Variants in DLGAP2 observed in about 807,000 individuals in gnomAD.
DLGAP2 encodes DLG associated protein 2, also known as disks large-associated protein 2.
In DLGAP2, 26 loss-of-function variants were observed where a neutral mutation model predicts 100.3. That is an observed-to-expected ratio of 0.26 (90% confidence interval 0.19 to 0.36). The LOEUF (loss-of-function observed/expected upper bound fraction) is 0.36, where lower values mean the gene tolerates loss of function less well. Ranked by LOEUF, DLGAP2 falls within the 10% of genes least tolerant of loss-of-function variation. DLGAP2 has a pLI of 1.00. For synonymous variants in DLGAP2, 886 were observed against 630.1 expected, an observed-to-expected ratio of 1.41 and a Z score of -6.08; for missense variants, 1,858 against 1,453.2, an observed-to-expected ratio of 1.28 and a Z score of -4.53.
intron 1 of DLGAP2, among the ~76,000 whole-genome samples, chr8:757,151 T>A (rs1820942302): frequency 6.6e-6 from 1 of 152,114 alleles, no homozygotes; most frequent in African/African-American, 2.4e-5. Context: ...TCTGTCCCCT[T>A]CCCTTTGCCA....
intron 1 of DLGAP2, among the ~76,000 whole-genome samples, chr8:819,077 T>C (rs1388671815): frequency 1.3e-5 from 2 of 152,240 alleles, no homozygotes; most frequent in Non-Finnish European, 2.9e-5. Flanking sequence ...AATGACTGAA[T>C]CCAGAATTTG....
chr8:1,360,701 C>A (rs767042533), intron 3 of DLGAP2, among the ~76,000 whole-genome samples: 18 of 152,186 alleles, frequency 1.2e-4, no homozygotes, highest in Admixed American at 3.3e-4. Context: ...ACACCGCCCC[C>A]ACCATGGAGA....
chr8:1,625,945 GT>G (rs1193099267), intron 6 of DLGAP2, among the ~76,000 whole-genome samples: 1 of 152,034 alleles, frequency 6.6e-6, no homozygotes, highest in Non-Finnish European at 1.5e-5. Context: ...GGATTGGACG[GT>G]CGTTCCCATC....
At chr8:1,652,622 C>T (rs951336074) in intron 8 of DLGAP2, among the ~76,000 whole-genome samples, 6 of 152,222 alleles carry the variant, frequency 3.9e-5, no homozygotes, top group South Asian at 2.1e-4. Context: ...AAGTGGTAGG[C>T]GGTCCGTAGA....
chr8:1,550,701 C>T (rs1169461877), intron 5 of DLGAP2, among the ~76,000 whole-genome samples: 2 of 152,198 alleles, frequency 1.3e-5, no homozygotes, highest in Non-Finnish European at 2.9e-5. Context: ...CTAGAGCTGG[C>T]ATATTGCAGA....
intron 3 of DLGAP2, among the ~76,000 whole-genome samples, chr8:1,393,101 C>T (rs368473260): frequency 3.0e-3 from 50 of 16,712 alleles, no homozygotes; most frequent in South Asian, 0.02. Context: ...GCTTACTGAG[C>T]GCCACCTCCT....
At chr8:1,249,318 C>T (rs746223412) in intron 2 of DLGAP2, among the ~76,000 whole-genome samples, 15 of 152,164 alleles carry the variant, frequency 9.9e-5, no homozygotes, top group Non-Finnish European at 2.1e-4. Flanking sequence ...CCTGCATGAG[C>T]GTCTCAGGGC....
intron 2 of DLGAP2, among the ~76,000 whole-genome samples, chr8:1,130,541 A>C (rs932669311): frequency 3.3e-5 from 5 of 152,202 alleles, no homozygotes; most frequent in Non-Finnish European, 4.4e-5. Flanking sequence ...CCCATTAGAT[A>C]AAAGCAGATG....
At chr8:1,191,413 G>T (rs1055146496) in intron 2 of DLGAP2, among the ~76,000 whole-genome samples, 100 of 152,208 alleles carry the variant, frequency 6.6e-4, no homozygotes, top group Admixed American at 2.7e-3. Context: ...CTTGTGATCT[G>T]CCCGCCTCAG....
At chr8:1,555,523 C>T (rs148231379) in intron 5 of DLGAP2, among the ~76,000 whole-genome samples, 1 of 152,342 alleles carries the variant, frequency 6.6e-6, no homozygotes, top group African/African-American at 2.4e-5. Context: ...TGAGTACCGT[C>T]ACACAGGGCT....
At chr8:960,013 G>A (rs1261523506) in intron 2 of DLGAP2, among the ~76,000 whole-genome samples, 2 of 151,998 alleles carry the variant, frequency 1.3e-5, no homozygotes, top group Admixed American at 6.5e-5. Flanking sequence ...TGATGTTTGA[G>A]GATTATCCTC....
intron 2 of DLGAP2, among the ~76,000 whole-genome samples, chr8:1,253,212 G>A (rs1008592378): frequency 5.9e-5 from 9 of 152,236 alleles, no homozygotes; most frequent in Non-Finnish European, 1.3e-4. Context: ...GTCCTGAGGA[G>A]CTCCAGCCAA....
At chr8:861,984 C>T (rs1797401032) in intron 1 of DLGAP2, among the ~76,000 whole-genome samples, 1 of 152,150 alleles carries the variant, frequency 6.6e-6, no homozygotes, top group African/African-American at 2.4e-5. Flanking sequence ...AATTCTCATC[C>T]CACCAACTGT....
At chr8:738,000 C>T (rs1207933967) in intron 1 of DLGAP2, 175 bp downstream of exon 1, 2 of 322,720 alleles carry the variant, frequency 6.2e-6, no homozygotes, top group Non-Finnish European at 1.1e-5. Context: ...ACCCCAGGGA[C>T]AGCCTGTGCT....
At chr8:1,358,860 T>C (rs1801913817) in intron 3 of DLGAP2, among the ~76,000 whole-genome samples, 1 of 150,482 alleles carries the variant, frequency 6.6e-6, no homozygotes, top group South Asian at 2.1e-4. Flanking sequence ...CGGCAGGGCG[T>C]GGGCTGTCTG....
intron 1 of DLGAP2, among the ~76,000 whole-genome samples, chr8:754,548 A>G (rs10098329): frequency 0.99 from 150,652 of 152,370 alleles, 74,505 homozygotes; most frequent in East Asian, 1. Flanking sequence ...AGGCCACAGA[A>G]TAGGGATTGA....
chr8:1,351,611 G>T (rs1205744246), intron 3 of DLGAP2, among the ~76,000 whole-genome samples: 1 of 63,528 alleles, frequency 1.6e-5, no homozygotes, highest in African/African-American at 4.7e-5. Flanking sequence ...TGCGTGTGGC[G>T]TGGAAAGGCC....
intron 2 of DLGAP2, among the ~76,000 whole-genome samples, chr8:1,103,305 A>C (rs538734696): frequency 3.2e-4 from 48 of 152,260 alleles, no homozygotes; most frequent in Non-Finnish European, 5.4e-4. Flanking sequence ...AGGGCTTCTC[A>C]GAGTCGTATG....
At chr8:1,452,905 G>A (rs1056991786) in intron 3 of DLGAP2, among the ~76,000 whole-genome samples, 8 of 152,284 alleles carry the variant, frequency 5.3e-5, no homozygotes, top group South Asian at 4.1e-4. Context: ...GGTCTATTAC[G>A]AAGGCCTGTG....
Sources: allele counts gnomAD v4.1 joint callset (sites outside exome capture counted in the v4.1 genomes callset), GRCh38; gene constraint gnomAD v4.1.1; transcripts MANE v1.5; gene names NCBI Gene and HGNC (gene_info 2026-07-23, HGNC 2026-07-21).